Variants in CALN1 observed in about 807,000 individuals in gnomAD.
The protein encoded by CALN1 is calcium-binding protein 8.
CALN1 carries 17 observed loss-of-function variants against 30.6 expected under a neutral mutation model. The observed-to-expected ratio is 0.56, with a 90% CI of 0.38 to 0.83. The LOEUF (loss-of-function observed/expected upper bound fraction) is 0.83, where lower values mean the gene tolerates loss of function less well. Among genes scored for constraint, CALN1 ranks in the 40% least tolerant of loss-of-function variants. The probability of loss-of-function intolerance (pLI) is 0.00; values close to 1 mark genes in which losing one functional copy is unlikely to be tolerated. For synonymous variants in CALN1, 156 were observed against 131.4 expected (o/e 1.19, Z -1.28); for missense variants, 291 against 354.9 (o/e 0.82, Z 1.45).
chr7:71,967,492 A>T (rs1479506229), intron 5 of CALN1, among the ~76,000 whole-genome samples: 1 of 151,740 alleles, frequency 6.6e-6, no homozygotes, highest in Admixed American at 6.6e-5. Context: ...AACTGAGCTC[A>T]GTGGTGCATG....
At chr7:72,407,192 A>G (rs1411891117) in intron 1 of CALN1, among the ~76,000 whole-genome samples, 1 of 152,210 alleles carries the variant, frequency 6.6e-6, no homozygotes, top group Non-Finnish European at 1.5e-5. Context: ...TGTGCCACTT[A>G]GGGGCTGTGT....
rs186702126 is a variant in CALN1, at chr7:71,997,850, C to T, written c.501+25807G>A. Among the ~76,000 whole-genome samples the T allele has an allele frequency of 5.9e-3, 894 of 152,150 alleles. 10 individuals are homozygous for T. The highest frequency in any genetic ancestry group is 0.019 in the Admixed American group (293 of 15,282). On this transcript the variant is annotated intron_variant, in intron 5 of 6. Coordinates refer to ENST00000395275, the MANE Select transcript of CALN1 (RefSeq NM_031468.4). The stretch of plus-strand genomic sequence containing the variant: ...TTTATTTAGTTTTGAGATGGAGTTT[C>T]GCTCTTGTCCCCCTGGCTGGAGTGC...
At chr7:72,472,941 C>A in the CALN1 span, among the ~76,000 whole-genome samples, 2 of 152,076 alleles carry the variant, frequency 1.3e-5, no homozygotes, top group South Asian at 2.1e-4. Context: ...GGGCAAGGGG[C>A]GGGAGGCAGA....
At chr7:72,154,547 G>C (rs1483929200) in intron 3 of CALN1, among the ~76,000 whole-genome samples, 5 of 152,070 alleles carry the variant, frequency 3.3e-5, no homozygotes, top group African/African-American at 1.2e-4. Flanking sequence ...ATTTGCAAAG[G>C]GCACTGAACA....
intron 2 of CALN1, among the ~76,000 whole-genome samples, chr7:72,310,489 T>C (rs1799963366): frequency 6.6e-6 from 1 of 151,300 alleles, no homozygotes; most frequent in Non-Finnish European, 1.5e-5. Context: ...GCTTCTGTGG[T>C]TATAATATTG....
rs1346158367 is a variant in CALN1, at chr7:72,315,187, A to T, written c.120-36377T>A. Among the ~76,000 whole-genome samples, 6 of 151,960 alleles carry T rather than the reference A, an allele frequency of 3.9e-5. 1 individual carries two copies. The South Asian group carries it at 8.3e-4, about 21-fold the overall frequency. On this transcript the variant is annotated intron_variant, in intron 2 of 6. Transcript: ENST00000395275. The stretch of plus-strand genomic sequence containing the variant: ...TTTTAATAATAAACACAAAGTTAAA[A>T]AGTAATACTAAAGAAATAAAGGGAT...
At chr7:72,304,703 G>A (rs1445788816) in intron 2 of CALN1, among the ~76,000 whole-genome samples, 1 of 151,682 alleles carries the variant, frequency 6.6e-6, no homozygotes, top group African/African-American at 2.4e-5. Flanking sequence ...TCCTATGTAG[G>A]GCATAATCAC....
chr7:72,230,342 T>TAAAAAAAAAAAA (rs3032182), intron 3 of CALN1, among the ~76,000 whole-genome samples: 7 of 124,842 alleles, frequency 5.6e-5, no homozygotes, highest in African/African-American at 1.2e-4. Flanking sequence ...CAATAGATAC[T>TAAAAAAAAAAAA]AAAAAAAAAA....
At chr7:72,115,115 T>A (rs1305004793) in intron 3 of CALN1, among the ~76,000 whole-genome samples, 4 of 147,910 alleles carry the variant, frequency 2.7e-5, no homozygotes, top group East Asian at 1.9e-4. Context: ...GTATAATATA[T>A]ATAGTATAAT....
At chr7:71,914,370 C>T (rs567420951) in intron 5 of CALN1, among the ~76,000 whole-genome samples, 19 of 152,244 alleles carry the variant, frequency 1.2e-4, no homozygotes, top group South Asian at 1.0e-3. Flanking sequence ...CTTGTCCTTG[C>T]GAAGGACATG....
At chr7:72,009,582 C>T (rs1483981310) in intron 5 of CALN1, among the ~76,000 whole-genome samples, 1 of 152,198 alleles carries the variant, frequency 6.6e-6, no homozygotes, top group African/African-American at 2.4e-5. Context: ...TATGGTTTGG[C>T]TGTGTCCCCA....
intron 4 of CALN1, among the ~76,000 whole-genome samples, chr7:72,070,524 C>T (rs1459435804): frequency 6.6e-6 from 1 of 152,154 alleles, no homozygotes; most frequent in Non-Finnish European, 1.5e-5. Flanking sequence ...ATTGGTGATT[C>T]ATGAATCTGC....
At chr7:72,003,926 TAG>T (rs1157598023) in intron 5 of CALN1, among the ~76,000 whole-genome samples, 1 of 152,178 alleles carries the variant, frequency 6.6e-6, no homozygotes, top group Non-Finnish European at 1.5e-5. Flanking sequence ...ACCACTGGAC[TAG>T]AAGACTCAAC....
chr7:72,433,837 G>A lies in CALN1; in HGVS notation c.-226+13205C>T, dbSNP rs188528969. ...CCCAGAGCTTTGGGAGGCCAAGGTC[G>A]CTTGAGGCCAGGAGTTCCAGACCAG... On this transcript the variant is annotated intron_variant, in intron 1 of 6. Coordinates refer to the CALN1 transcript ENST00000395276. 1.2e-4 allele frequency among the ~76,000 whole-genome samples: 19 copies of A among 152,180 alleles called. 1 individual carries two copies. The highest frequency in any genetic ancestry group is 1.0e-3 in the South Asian group (5 of 4,810).
intron 5 of CALN1, among the ~76,000 whole-genome samples, chr7:71,993,874 T>C (rs1188691332): frequency 6.6e-6 from 1 of 152,066 alleles, no homozygotes. Flanking sequence ...ATGAAGGCCT[T>C]AATTAAACTA....
At position 72,403,450 on chromosome 7, in the gene CALN1, G is replaced by A. The variant is rs145404322; in HGVS notation, c.-73-8C>T. The A allele has an allele frequency of 2.4e-5, 28 of 1,155,526 alleles. No individual in the cohort carries two copies. Among genetic ancestry groups the A allele is most frequent in the African/African-American group, 1.2e-4 (8 of 64,736 alleles). 71.6% of individuals were successfully genotyped at this position (1,155,526 alleles called of 1,614,324 possible). On this transcript the variant is annotated splice_region_variant and splice_polypyrimidine_tract_variant and intron_variant, in intron 1 of 6. Coordinates refer to ENST00000395275, the MANE Select transcript of CALN1 (RefSeq NM_031468.4). ...AGCGAAGGCACTGAGACTCTGAAAG[G>A]AGTTGACAGAAACTTACAGCCTGCA... is the stretch of plus-strand genomic sequence containing the variant.
At chr7:72,405,714 A>T (rs1406369731) in intron 1 of CALN1, among the ~76,000 whole-genome samples, 1 of 145,058 alleles carries the variant, frequency 6.9e-6, no homozygotes, top group Non-Finnish European at 1.5e-5. Flanking sequence ...TACAGTAGAA[A>T]CGCAAAAAAA....
intron 5 of CALN1, among the ~76,000 whole-genome samples, chr7:71,813,174 A>C (rs531295188): frequency 9.1e-6 from 1 of 110,130 alleles, no homozygotes; most frequent in East Asian, 2.8e-4. Context: ...GACTCCCAAG[A>C]AGCTGGGATT....
At chr7:71,862,976 C>T (rs7795359) in intron 5 of CALN1, among the ~76,000 whole-genome samples, 8,627 of 152,216 alleles carry the variant, frequency 0.057, 809 homozygotes, top group African/African-American at 0.2. Flanking sequence ...GAAACAACAA[C>T]GGCTGGGCGT....
Sources: allele counts gnomAD v4.1 joint callset (sites outside exome capture counted in the v4.1 genomes callset), GRCh38; gene constraint gnomAD v4.1.1; transcripts MANE v1.5; gene names NCBI Gene and HGNC (gene_info 2026-07-23, HGNC 2026-07-21).